Variants in GPC5 observed in about 807,000 individuals in gnomAD.
The protein encoded by GPC5 is glypican 5, also known as glypican-5.
In GPC5, 47 loss-of-function variants were observed where a neutral mutation model predicts 53.9. That is an observed-to-expected ratio of 0.87 (90% confidence interval 0.69 to 1.11). GPC5 has a LOEUF of 1.11. Ranked by LOEUF, GPC5 falls within the 50% of genes most tolerant of loss-of-function variation. GPC5 has a pLI of 0.00. For missense variants in GPC5, 748 were observed against 713.1 expected, an observed-to-expected ratio of 1.05 and a Z score of -0.56; for synonymous variants, 286 against 263.3, an observed-to-expected ratio of 1.09 and a Z score of -0.84.
intron 1 of GPC5, among the ~76,000 whole-genome samples, chr13:91,438,946 A>G (rs1880208331): frequency 6.6e-6 from 1 of 152,214 alleles, no homozygotes; most frequent in African/African-American, 2.4e-5. Flanking sequence ...CCGTGGGCGT[A>G]GGACCCTCCG....
At chr13:91,830,503 T>C (rs1322116773) in intron 5 of GPC5, among the ~76,000 whole-genome samples, 1 of 151,806 alleles carries the variant, frequency 6.6e-6, no homozygotes, top group Admixed American at 6.6e-5. Context: ...AGGGTATTGA[T>C]TGGGGAAGTG....
At chr13:91,621,546 A>T (rs1244969821) in intron 2 of GPC5, among the ~76,000 whole-genome samples, 1 of 151,996 alleles carries the variant, frequency 6.6e-6, no homozygotes, top group South Asian at 2.1e-4. Flanking sequence ...GAGTAGAGTG[A>T]AAGTCTGGAG....
intron 5 of GPC5, among the ~76,000 whole-genome samples, chr13:91,896,321 G>A (rs555513907): frequency 5.9e-5 from 9 of 151,938 alleles, no homozygotes; most frequent in East Asian, 1.9e-4. Context: ...GAGTTTCACC[G>A]TGTTAGCCAG....
intron 7 of GPC5, among the ~76,000 whole-genome samples, chr13:92,261,500 C>A (rs1481444832): frequency 2.6e-5 from 4 of 151,532 alleles, no homozygotes; most frequent in African/African-American, 7.3e-5. Flanking sequence ...ATGCCTTCAC[C>A]TTAATAGGAA....
At chr13:92,512,185 C>T (rs1880591527) in intron 7 of GPC5, among the ~76,000 whole-genome samples, 1 of 152,094 alleles carries the variant, frequency 6.6e-6, no homozygotes, top group Non-Finnish European at 1.5e-5. Context: ...TCTGCCCTGG[C>T]AACACTTAAT....
intron 2 of GPC5, among the ~76,000 whole-genome samples, chr13:91,528,513 C>A (rs1319161197): frequency 6.6e-6 from 1 of 152,196 alleles, no homozygotes; most frequent in African/African-American, 2.4e-5. Flanking sequence ...AACGATTCAA[C>A]AAGTCTTTAA....
At chr13:92,712,581 AT>A (rs1888177370) in intron 7 of GPC5, among the ~76,000 whole-genome samples, 1 of 152,276 alleles carries the variant, frequency 6.6e-6, no homozygotes, top group Non-Finnish European at 1.5e-5. Context: ...GATAAATTGT[AT>A]TTCATCAAAA....
intron 2 of GPC5, among the ~76,000 whole-genome samples, chr13:91,472,337 T>C (rs142830077): frequency 6.6e-6 from 1 of 152,234 alleles, no homozygotes; most frequent in Non-Finnish European, 1.5e-5. Flanking sequence ...ATCTCTGGAG[T>C]CCTATCACCT....
At chr13:91,689,188 T>TATATATAC (rs1555338027) in intron 2 of GPC5, among the ~76,000 whole-genome samples, 1 of 45,216 alleles carries the variant, frequency 2.2e-5, no homozygotes, top group East Asian at 5.8e-4. Flanking sequence ...TATATAAATA[T>TATATATAC]ATATATATAT....
In GPC5 at chr13:91,413,543, C is replaced by A. The variant is rs118085975; in HGVS notation, c.163+14334C>A. ...TAAAAAAGATATTTAAAAATTAAAT[C>A]AGATTTAATAGTTACCCTGTGATTA... On this transcript the variant is annotated intron_variant, in intron 1 of 7. Coordinates refer to ENST00000377067, the MANE Select transcript of GPC5 (RefSeq NM_004466.6). Among the ~76,000 whole-genome samples the A allele has an allele frequency of 2.3e-3, 343 of 152,284 alleles. 2 individuals carry two copies. Among genetic ancestry groups the A allele is most frequent in the East Asian group, 0.012 (64 of 5,176 alleles).
chr13:92,530,183 A>G (rs760090059), intron 7 of GPC5, among the ~76,000 whole-genome samples: 6 of 150,398 alleles, frequency 4.0e-5, no homozygotes, highest in Non-Finnish European at 7.4e-5. Flanking sequence ...TAGAACACTT[A>G]CAGATTTTAG....
chr13:92,336,070 C>A (rs7982677), intron 7 of GPC5, among the ~76,000 whole-genome samples: 44,904 of 151,970 alleles, frequency 0.3, 6,848 homozygotes, highest in South Asian at 0.41. Context: ...ATCTCATACA[C>A]ACTGAAAAAT....
intron 7 of GPC5, among the ~76,000 whole-genome samples, chr13:92,405,515 A>G (rs1403465165): frequency 6.6e-6 from 1 of 152,228 alleles, no homozygotes; most frequent in Non-Finnish European, 1.5e-5. Flanking sequence ...CAAAATTCTT[A>G]TATTCAAAAT....
At chr13:91,539,812 A>G (rs9556100) in intron 2 of GPC5, among the ~76,000 whole-genome samples, 105,173 of 152,038 alleles carry the variant, frequency 0.69, 37,586 homozygotes, top group East Asian at 0.99. Context: ...AACAATATAT[A>G]TGTTTAGATA....
rs1440395882 is a variant in GPC5 at position 92,004,489 on chromosome 13, T to TATATATATATATAA, written c.1401+96433_1401+96434insTATATATATATAAA. Among the ~76,000 whole-genome samples, 382 of 122,654 alleles carry TATATATATATATAA rather than the reference T, an allele frequency of 3.1e-3. 15 individuals carry two copies. The highest frequency in any genetic ancestry group is 0.013 in the African/African-American group (365 of 28,754). 80.5% of individuals were successfully genotyped at this position (122,654 alleles called of 152,430 possible). On this transcript the variant is annotated intron_variant, in intron 6 of 7. Transcript: ENST00000377067. ...ATATATATATATATATATATATATA[T>TATATATATATATAA]AATTACACTATAGCTTTTCATGCAA...
At chr13:91,897,007 T>A (rs2039448753) in intron 5 of GPC5, among the ~76,000 whole-genome samples, 1 of 101,104 alleles carries the variant, frequency 9.9e-6, no homozygotes, top group Non-Finnish European at 2.0e-5. Context: ...TTTTCCCAAC[T>A]CCTCCTCTTC....
chr13:91,602,464 G>T (rs1380429789), intron 2 of GPC5, among the ~76,000 whole-genome samples: 1 of 152,096 alleles, frequency 6.6e-6, no homozygotes, highest in Admixed American at 6.6e-5. Context: ...GGGTTCATTT[G>T]TACACCCAGA....
chr13:92,778,964 T>TAC (rs745380152), intron 7 of GPC5, among the ~76,000 whole-genome samples: 8 of 140,542 alleles, frequency 5.7e-5, no homozygotes, highest in East Asian at 2.8e-4. Flanking sequence ...ATGTGCAAGA[T>TAC]ATACACACAC....
At chr13:92,039,499 A>G (rs1324882200) in intron 6 of GPC5, among the ~76,000 whole-genome samples, 1 of 152,244 alleles carries the variant, frequency 6.6e-6, no homozygotes, top group African/African-American at 2.4e-5. Flanking sequence ...TGCTAAAGGC[A>G]TAAGCAAGTA....
Sources: allele counts gnomAD v4.1 joint callset (sites outside exome capture counted in the v4.1 genomes callset), GRCh38; gene constraint gnomAD v4.1.1; transcripts MANE v1.5; gene names NCBI Gene and HGNC (gene_info 2026-07-23, HGNC 2026-07-21).